Variants in LRP12 observed in about 807,000 individuals in gnomAD.
The protein encoded by LRP12 is LDL receptor related protein 12, also known as low-density lipoprotein receptor-related protein 12.
In LRP12, 14 loss-of-function variants were observed where a neutral mutation model predicts 66.0. The observed-to-expected ratio is 0.21, with a 90% CI of 0.14 to 0.33. LRP12 has a LOEUF of 0.33. Among genes scored for constraint, LRP12 ranks in the 10% least tolerant of loss-of-function variants. The pLI is 1.00. For missense variants in LRP12, 889 were observed against 1,053.4 expected, an observed-to-expected ratio of 0.84 and a Z score of 2.16; for synonymous variants, 357 against 359.1, an observed-to-expected ratio of 0.99 and a Z score of 0.07.
At chr8:104,572,774 G>T (rs1293531021) in intron 1 of LRP12, among the ~76,000 whole-genome samples, 1 of 152,080 alleles carries the variant, frequency 6.6e-6, no homozygotes, top group Non-Finnish European at 1.5e-5. Context: ...TGAAGGAATT[G>T]AAAATTAGAG....
chr8:104,499,856 C>A (rs1015712094), intron 3 of LRP12, among the ~76,000 whole-genome samples: 1 of 152,126 alleles, frequency 6.6e-6, no homozygotes, highest in African/African-American at 2.4e-5. Flanking sequence ...CTAAACTGTT[C>A]TGTGTTCCAA....
At chr8:104,531,161 C>A (rs1218626511) in intron 2 of LRP12, among the ~76,000 whole-genome samples, 1 of 152,080 alleles carries the variant, frequency 6.6e-6, no homozygotes, top group East Asian at 1.9e-4. Flanking sequence ...ACACTAAGTA[C>A]AGTTTTAACC....
At chr8:104,548,602 T>G (rs920706330) in intron 1 of LRP12, among the ~76,000 whole-genome samples, 15 of 114,656 alleles carry the variant, frequency 1.3e-4, no homozygotes, top group Admixed American at 1.2e-3. Flanking sequence ...TAATATAGAA[T>G]TATATAATTA....
intron 2 of LRP12, among the ~76,000 whole-genome samples, chr8:104,528,794 A>G (rs1042451757): frequency 2.0e-5 from 3 of 152,034 alleles, no homozygotes; most frequent in Admixed American, 2.0e-4. Flanking sequence ...AAAAACAACA[A>G]CAAAAAACAG....
At chr8:104,549,138 G>A (rs906973010) in intron 1 of LRP12, among the ~76,000 whole-genome samples, 4 of 151,718 alleles carry the variant, frequency 2.6e-5, no homozygotes, top group Non-Finnish European at 4.4e-5. Context: ...AGTAATTCCT[G>A]TCCATTAAAA....
chr8:104,495,343 A>G (rs1220684622), intron 5 of LRP12, 134 bp from the exon 6 acceptor site: 5 of 841,234 alleles, frequency 5.9e-6, no homozygotes, highest in Middle Eastern at 2.4e-4. Flanking sequence ...TTTGACAAAC[A>G]TTTACTGAAT....
intron 1 of LRP12, among the ~76,000 whole-genome samples, chr8:104,559,420 A>G (rs1811867203): frequency 6.6e-6 from 1 of 151,862 alleles, no homozygotes; most frequent in African/African-American, 2.4e-5. Flanking sequence ...GCTCAAAGGC[A>G]TAAGAATGAT....
intron 5 of LRP12, chr8:104,496,196 G>T (rs531524862): frequency 6.6e-6 from 1 of 152,268 alleles, no homozygotes; most frequent in East Asian, 1.9e-4. Context: ...ACTGAACTGA[G>T]AACTCTGAAG....
At chr8:104,547,384 T>A (rs1156469959) in intron 1 of LRP12, among the ~76,000 whole-genome samples, 3 of 135,646 alleles carry the variant, frequency 2.2e-5, no homozygotes, top group African/African-American at 8.0e-5. Context: ...TCTGTTATAT[T>A]TTGTATATAA....
intron 1 of LRP12, among the ~76,000 whole-genome samples, chr8:104,548,878 T>C (rs1811682350): frequency 6.6e-6 from 1 of 151,264 alleles, no homozygotes; most frequent in Admixed American, 6.6e-5. Context: ...CAGGAGGCTG[T>C]AGAGAGCTGA....
In LRP12 at chr8:104,497,778, T is replaced by C; in HGVS notation, c.774A>G (p.Thr258=). The change falls in exon 5 of 7, where the codon ACA becomes ACG. Residue 258 remains threonine (T), a synonymous_variant. Coordinates refer to ENST00000276654, the MANE Select transcript of LRP12 (RefSeq NM_013437.5). This position sits in a 1 kb window ranked among gnomAD's most constrained non-coding sequence, Gnocchi z 4.3. ...AAAAATATTTTAGCCATTGCCCACA[T>C]GTTGGCACATCACAGTCTATCTCAT... ...LGDEIDCDVP[T]CGQWLKYFYG... The C allele has an allele frequency of 6.2e-7, 1 of 1,614,174 alleles. No homozygotes were observed. Among genetic ancestry groups the C allele is most frequent in the Non-Finnish European group, 8.5e-7 (1 of 1,180,028 alleles).
chr8:104,545,816 T>C (rs1401438635), intron 1 of LRP12, among the ~76,000 whole-genome samples: 3 of 152,186 alleles, frequency 2.0e-5, no homozygotes, highest in Non-Finnish European at 4.4e-5. Context: ...AACCAAACCA[T>C]ATCTCTGATG....
rs763118632 is a variant in LRP12 at position 104,528,643 on chromosome 8, C to T, written c.136+3264G>A. ...TACAAAAATTAGCTGGGCGTGGTGG[C>T]GCACACCTGTAGTCCCAGCTACTTG... On this transcript the variant is annotated intron_variant, in intron 2 of 6. Transcript: ENST00000276654. 5.3e-5 allele frequency among the ~76,000 whole-genome samples: 8 copies of T among 151,640 alleles called. No individual in the cohort carries two copies. In the East Asian group the frequency reaches 9.7e-4, roughly 18 times the overall value.
chr8:104,589,234 A>C lies in LRP12; in HGVS notation c.-337T>G, dbSNP rs1428099430. Among the ~76,000 whole-genome samples, 2 of 151,450 alleles carry C rather than the reference A, an allele frequency of 1.3e-5. No individual in the cohort carries two copies. Among genetic ancestry groups the C allele is most frequent in the Non-Finnish European group, 3.0e-5 (2 of 67,766 alleles). On this transcript the variant is annotated 5_prime_UTR_variant, in exon 1 of 7. Coordinates refer to ENST00000276654, the MANE Select transcript of LRP12 (RefSeq NM_013437.5). ...ACTCCGGCCTCGCGCCGCTCGGGCTAGCCGGCGCCGCCACTCGCCAGACTG... is the reference window on the plus strand; with the variant it reads ...ACTCCGGCCTCGCGCCGCTCGGGCTCGCCGGCGCCGCCACTCGCCAGACTG...
chr8:104,527,520 A>C (rs1213874874), intron 2 of LRP12, among the ~76,000 whole-genome samples: 4 of 151,302 alleles, frequency 2.6e-5, no homozygotes, highest in Non-Finnish European at 5.9e-5. Flanking sequence ...TGATGAGTTC[A>C]TGTCCTTTGT....
chr8:104,499,231 A>T, intron 4 of LRP12, 86 bp downstream of exon 4: 1 of 1,051,626 alleles, frequency 9.5e-7, no homozygotes, highest in Non-Finnish European at 1.4e-6. Flanking sequence ...AATTAAATGA[A>T]CACTACTTAG....
rs1812150036 is a variant in LRP12, at chr8:104,575,398, A to C, written c.79+13421T>G. On this transcript the variant is annotated intron_variant, in intron 1 of 6. Coordinates refer to ENST00000276654, the MANE Select transcript of LRP12 (RefSeq NM_013437.5). ...CTAGTGCTCTGCCACAGGTGCTGCA[A>C]GTTGGTCCCCCAATCCAGCGCAGTG... 2.0e-5 allele frequency among the ~76,000 whole-genome samples: 3 copies of C among 152,324 alleles called. No individual in the cohort carries two copies. The South Asian group carries it at 6.2e-4, about 32-fold the overall frequency.
At chr8:104,586,605 A>C (rs1024930973) in intron 1 of LRP12, among the ~76,000 whole-genome samples, 39 of 152,190 alleles carry the variant, frequency 2.6e-4, no homozygotes, top group African/African-American at 8.9e-4. Context: ...TCCACCACCC[A>C]TTACAACTAC....
At chr8:104,515,936 T>G (rs1009450719) in intron 2 of LRP12, among the ~76,000 whole-genome samples, 1 of 152,214 alleles carries the variant, frequency 6.6e-6, no homozygotes, top group Non-Finnish European at 1.5e-5. Flanking sequence ...TATTTTTTTA[T>G]AAAGATGGGG....
Sources: gnomAD v4.1 joint callset for allele counts (sites outside exome capture counted in the v4.1 genomes callset) on GRCh38, gnomAD v4.1.1 for gene constraint, Gnocchi (gnomAD v3.1) non-coding constraint, MANE v1.5 for transcripts, NCBI Gene and HGNC (gene_info 2026-07-23, HGNC 2026-07-21) for gene names.